The following SORCS3 variants were observed in gnomAD, a reference collection of about 807,000 sequenced individuals.
The protein encoded by SORCS3 is VPS10 domain-containing receptor SorCS3.
A neutral mutation model predicts 146.3 loss-of-function variants in SORCS3; 57 were observed. The observed-to-expected ratio is 0.39, with a 90% CI of 0.31 to 0.49. The LOEUF is 0.49. SORCS3 is among the 20% of genes least tolerant of loss of function. The probability of loss-of-function intolerance (pLI) is 0.92; values close to 1 mark genes in which losing one functional copy is unlikely to be tolerated. For missense variants in SORCS3, 1,341 were observed against 1,575.5 expected, an observed-to-expected ratio of 0.85 and a Z score of 2.52; for synonymous variants, 653 against 618.5, an observed-to-expected ratio of 1.06 and a Z score of -0.83.
chr10:104,665,304 C>G (rs895461700), intron 1 of SORCS3: 2 of 152,222 alleles, frequency 1.3e-5, no homozygotes, highest in Non-Finnish European at 2.9e-5. Flanking sequence ...GTGGACTGTG[C>G]TTGCTGGGAG....
At chr10:104,953,317 A>AC (rs2019453050) in intron 3 of SORCS3, among the ~76,000 whole-genome samples, 1 of 152,192 alleles carries the variant, frequency 6.6e-6, no homozygotes, top group African/African-American at 2.4e-5. Context: ...ATGGGGGGCT[A>AC]CCAGGCACTG....
chr10:105,140,713 A>C (rs1247091080), intron 8 of SORCS3, among the ~76,000 whole-genome samples: 1 of 152,182 alleles, frequency 6.6e-6, no homozygotes, highest in Admixed American at 6.5e-5. Context: ...CATTCAACAA[A>C]CTAGGAAGCC....
At chr10:105,210,336 G>T (rs890123082) in intron 16 of SORCS3, among the ~76,000 whole-genome samples, 16 of 152,270 alleles carry the variant, frequency 1.1e-4, no homozygotes, top group African/African-American at 3.9e-4. Flanking sequence ...GCTTGACTTA[G>T]AAACATGAAT....
intron 5 of SORCS3, among the ~76,000 whole-genome samples, chr10:105,051,907 G>A (rs1564743025): frequency 6.6e-6 from 1 of 152,144 alleles, no homozygotes; most frequent in Non-Finnish European, 1.5e-5. Flanking sequence ...AGCTCAGCTT[G>A]CAAGCAGAAA....
Position 105,135,898 on chromosome 10 carries a change from A to C in SORCS3, c.1213-3499A>C, listed in dbSNP as rs186676581. ...TATTCTGTTCATGACCAGGTAAGTA[A>C]TTTCTAAGGATACTTAAGTTCTTTC... On this transcript the variant is annotated intron_variant, in intron 7 of 26. Coordinates refer to ENST00000369701, the MANE Select transcript of SORCS3 (RefSeq NM_014978.3). 2.6e-3 allele frequency among the ~76,000 whole-genome samples: 391 copies of C among 152,266 alleles called. 7 individuals carry two copies. The highest frequency in any genetic ancestry group is 0.022 in the Admixed American group (336 of 15,286).
chr10:104,988,748 A>G (rs2054976359), intron 4 of SORCS3, among the ~76,000 whole-genome samples: 1 of 152,212 alleles, frequency 6.6e-6, no homozygotes, highest in Non-Finnish European at 1.5e-5. Flanking sequence ...GAAAAGAAGG[A>G]CTAAAACAGA....
At chr10:105,097,439 C>T (rs1564753097) in intron 6 of SORCS3, among the ~76,000 whole-genome samples, 1 of 152,134 alleles carries the variant, frequency 6.6e-6, no homozygotes, top group Non-Finnish European at 1.5e-5. Flanking sequence ...CTCTCTGACA[C>T]AGTTACTCAG....
chr10:105,163,118 C>T (rs1005086627), intron 11 of SORCS3, among the ~76,000 whole-genome samples: 3 of 152,122 alleles, frequency 2.0e-5, no homozygotes. Flanking sequence ...GAACCCTGAG[C>T]CCTGAGCCCA....
intron 2 of SORCS3, among the ~76,000 whole-genome samples, chr10:104,879,019 T>C (rs2018605008): frequency 6.6e-6 from 1 of 152,228 alleles, no homozygotes. Context: ...TATAAAAGAC[T>C]GCAGCATGTC....
chr10:105,061,556 A>G (rs151074596), intron 5 of SORCS3, among the ~76,000 whole-genome samples: 1,867 of 151,522 alleles, frequency 0.012, 24 homozygotes, highest in African/African-American at 0.033. Context: ...CGGCCCCCCA[A>G]AGTGCTTGGA....
intron 3 of SORCS3, among the ~76,000 whole-genome samples, chr10:104,972,646 G>GAGAGAGAC (rs939608514): frequency 2.0e-5 from 3 of 151,998 alleles, no homozygotes; most frequent in African/African-American, 7.3e-5. Context: ...AAGAGAGAGA[G>GAGAGAGAC]AGAGAGACAG....
At chr10:104,758,988 C>T (rs1318670191) in intron 1 of SORCS3, among the ~76,000 whole-genome samples, 1 of 152,084 alleles carries the variant, frequency 6.6e-6, no homozygotes, top group Non-Finnish European at 1.5e-5. Flanking sequence ...ATCCCTGGCA[C>T]CTGAGAATGT....
In SORCS3 at chr10:104,843,462, C is replaced by T. The variant is rs941893899; in HGVS notation, c.695+603C>T. The stretch of plus-strand genomic sequence containing the variant: ...TACATTAATATCATATATTAAAACA[C>T]TTGTTTCAGCCCAGTTTATTCTTTT... On this transcript the variant is annotated intron_variant, in intron 2 of 26. Transcript: ENST00000369701. Among the ~76,000 whole-genome samples, 6 of 152,324 alleles carry T rather than the reference C, an allele frequency of 3.9e-5. No individual in the cohort carries two copies. The East Asian group carries it at 7.7e-4, about 20-fold the overall frequency.
At chr10:104,752,591 T>C (rs143200755) in intron 1 of SORCS3, among the ~76,000 whole-genome samples, 18 of 152,316 alleles carry the variant, frequency 1.2e-4, no homozygotes, top group African/African-American at 4.3e-4. Flanking sequence ...CTCTTCCATT[T>C]ATTTGAGAAG....
At chr10:105,015,073 A>T (rs978144336) in intron 4 of SORCS3, among the ~76,000 whole-genome samples, 3 of 152,230 alleles carry the variant, frequency 2.0e-5, no homozygotes, top group Non-Finnish European at 4.4e-5. Context: ...TTAAGACTAT[A>T]GTAAGGGACT....
chr10:104,659,352 C>G (rs1589449329), intron 1 of SORCS3, among the ~76,000 whole-genome samples: 1 of 152,162 alleles, frequency 6.6e-6, no homozygotes, highest in African/African-American at 2.4e-5. Context: ...GTATAGTGCC[C>G]AAATTCATCC....
At chr10:104,786,793 C>T (rs1038860642) in intron 1 of SORCS3, among the ~76,000 whole-genome samples, 5 of 152,020 alleles carry the variant, frequency 3.3e-5, no homozygotes, top group Admixed American at 2.0e-4. Flanking sequence ...CAGGATCAGG[C>T]AGAGTTTTCT....
Position 104,727,545 on chromosome 10 carries a change from G to GTATATA in SORCS3, c.627+85606_627+85611dup, listed in dbSNP as rs34816369. ...TCTTAGAAGGGATATATGTGTGTGT[G>GTATATA]TATATATATATATATATATAAGATG... On this transcript the variant is annotated intron_variant, in intron 1 of 26. Transcript: ENST00000369701. Among the ~76,000 whole-genome samples the GTATATA allele has an allele frequency of 3.9e-3, 575 of 147,924 alleles. 1 individual carries two copies. Among genetic ancestry groups the GTATATA allele is most frequent in the African/African-American group, 6.4e-3 (256 of 40,252 alleles).
At chr10:105,175,381 T>A (rs995799388) in intron 13 of SORCS3, among the ~76,000 whole-genome samples, 3 of 151,972 alleles carry the variant, frequency 2.0e-5, no homozygotes, top group African/African-American at 7.3e-5. Context: ...GATAAGGAAA[T>A]CCTGAGAATG....
Sources: gnomAD v4.1 joint callset for allele counts (sites outside exome capture counted in the v4.1 genomes callset) on GRCh38, gnomAD v4.1.1 for gene constraint, MANE v1.5 for transcripts, NCBI Gene and HGNC (gene_info 2026-07-23, HGNC 2026-07-21) for gene names.